ZNF831: variants seen among roughly 807,000 people sequenced by gnomAD.
ZNF831 encodes the protein zinc finger protein 831.
In ZNF831, 59 loss-of-function variants were observed where a neutral mutation model predicts 95.8. That is an observed-to-expected ratio of 0.62 (90% CI 0.50 to 0.77). ZNF831 has a LOEUF of 0.77. Among genes scored for constraint, ZNF831 ranks in the 30% least tolerant of loss-of-function variants. The pLI is 0.00. For synonymous variants in ZNF831, 961 were observed against 925.5 expected (o/e 1.04, Z -0.70); for missense variants, 2,205 against 2,164.0 (o/e 1.02, Z -0.38).
intron 1 of ZNF831, among the ~76,000 whole-genome samples, chr20:59,188,518 G>A (rs867051661): frequency 1.3e-5 from 2 of 152,276 alleles, no homozygotes; most frequent in African/African-American, 2.4e-5. Context: ...TTATCTGGGT[G>A]TGGTGGTGCA....
chr20:59,166,032 G>C (rs574382497), intron 1 of ZNF831, among the ~76,000 whole-genome samples: 6 of 152,250 alleles, frequency 3.9e-5, no homozygotes, highest in Admixed American at 6.5e-5. Context: ...GATTACAGGC[G>C]TGAGCTACCA....
Position 59,148,658 on chromosome 20 carries a change from C to T in ZNF831, c.-1281+2284C>T, listed in dbSNP as rs1311598867. 4.7e-5 allele frequency among the ~76,000 whole-genome samples: 4 copies of T among 84,896 alleles called. 1 individual carries two copies. The highest frequency in any genetic ancestry group is 8.7e-5 in the Non-Finnish European group (4 of 45,858). The allele number at this position is 84,896 out of a possible 152,430, so 55.7% of individuals were successfully genotyped here. On this transcript the variant is annotated intron_variant, in intron 2 of 7. Coordinates refer to the ZNF831 transcript ENST00000637017. Reference sequence around the variant, plus strand: ...TCGCGCCACTGCACTCCAGCCTGGGCGACAGAGCGAAACTCCGTCTCAAAA... The same window carrying T: ...TCGCGCCACTGCACTCCAGCCTGGGTGACAGAGCGAAACTCCGTCTCAAAA...
chr20:59,205,965 T>C (rs1984863100), intron 3 of ZNF831, among the ~76,000 whole-genome samples: 1 of 152,196 alleles, frequency 6.6e-6, no homozygotes, highest in South Asian at 2.1e-4. Flanking sequence ...TTCTGCTCTA[T>C]GACATGAAAC....
At chr20:59,196,121 G>A in intron 3 of ZNF831, 116 bp downstream of exon 3, 2 of 1,394,278 alleles carry the variant, frequency 1.4e-6, no homozygotes, top group Non-Finnish European at 1.9e-6. Context: ...AGGGTTTAGA[G>A]CTTCATGATT....
At position 59,193,292 on chromosome 20, in the gene ZNF831, G is replaced by A. The variant is rs1300589217; in HGVS notation, c.2273G>A (p.Gly758Glu). ...LVSPNGRLELGWQMPPAPGPL... is the reference protein window; with the variant it reads ...LVSPNGRLELEWQMPPAPGPL... The stretch of plus-strand genomic sequence containing the variant: ...TCTCCAAATGGGAGGCTGGAACTGG[G>A]GTGGCAGATGCCCCCAGCACCTGGC... The change falls in exon 2 of 6, where the codon GGG becomes GAG. Residue 758 changes from glycine (G) to glutamate (E), a missense_variant. Gly to Glu is a moderately conservative substitution (Grantham distance 98). Coordinates refer to ENST00000371030, the MANE Select transcript of ZNF831 (RefSeq NM_178457.3). The A allele has an allele frequency of 1.2e-6, 2 of 1,611,430 alleles. No individual in the cohort carries two copies. The highest frequency in any genetic ancestry group is 1.1e-5 in the South Asian group (1 of 90,510).
At chr20:59,199,674 T>G (rs1233963699) in intron 3 of ZNF831, among the ~76,000 whole-genome samples, 6 of 152,184 alleles carry the variant, frequency 3.9e-5, no homozygotes, top group Non-Finnish European at 7.4e-5. Flanking sequence ...ATGAATATAA[T>G]TTATAGGATT....
chr20:59,180,606 T>C (rs1982543307), intron 1 of ZNF831, among the ~76,000 whole-genome samples: 1 of 152,124 alleles, frequency 6.6e-6, no homozygotes, highest in Non-Finnish European at 1.5e-5. Context: ...CTCCCACTTA[T>C]GAGTGAGAAC....
At chr20:59,227,169 A>G (rs754642315) in intron 4 of ZNF831, among the ~76,000 whole-genome samples, 6 of 152,220 alleles carry the variant, frequency 3.9e-5, no homozygotes, top group Non-Finnish European at 7.3e-5. Context: ...GATGATGTCT[A>G]TAAGTGACCC....
At chr20:59,195,242 G>A (rs1983996109) in intron 2 of ZNF831, among the ~76,000 whole-genome samples, 1 of 152,192 alleles carries the variant, frequency 6.6e-6, no homozygotes, top group African/African-American at 2.4e-5. Flanking sequence ...AGAAAAGGGG[G>A]AAATGTGGTG....
Position 59,181,661 on chromosome 20 carries a change from G to A in ZNF831, c.-36-9323G>A, listed in dbSNP as rs185037800. ...ATTGCTTATTTTTGTCAGGTTTGTC[G>A]AAGATCAGATGGTTGTAGATGTGTG... On this transcript the variant is annotated intron_variant, in intron 1 of 5. Coordinates refer to ENST00000371030, the MANE Select transcript of ZNF831 (RefSeq NM_178457.3). Among the ~76,000 whole-genome samples the A allele has an allele frequency of 2.0e-5, 3 of 152,032 alleles. No individual in the cohort carries two copies. The East Asian group carries it at 5.8e-4, about 29-fold the overall frequency.
At chr20:59,144,489 A>T (rs1979777586) in intron 1 of ZNF831, among the ~76,000 whole-genome samples, 2 of 152,318 alleles carry the variant, frequency 1.3e-5, no homozygotes, top group South Asian at 4.1e-4. Flanking sequence ...AGTTATGACA[A>T]TTAAAAATGT....
intron 4 of ZNF831, among the ~76,000 whole-genome samples, chr20:59,225,633 C>T (rs1298974827): frequency 2.0e-5 from 3 of 152,308 alleles, no homozygotes; most frequent in Non-Finnish European, 4.4e-5. Flanking sequence ...CAGGAGCAGA[C>T]GATCAAACTC....
At chr20:59,175,551 G>A (rs1344900710) in intron 1 of ZNF831, among the ~76,000 whole-genome samples, 1 of 151,866 alleles carries the variant, frequency 6.6e-6, no homozygotes, top group Admixed American at 6.6e-5. Context: ...CATCCACTGA[G>A]TTTTTACATT....
chr20:59,175,911 G>C (rs73306901), intron 1 of ZNF831, among the ~76,000 whole-genome samples: 1 of 152,178 alleles, frequency 6.6e-6, no homozygotes, highest in Non-Finnish European at 1.5e-5. Flanking sequence ...GCTCTGACTG[G>C]GGAAGAGATG....
At chr20:59,221,471 C>G (rs1986069449) in intron 4 of ZNF831, among the ~76,000 whole-genome samples, 1 of 152,160 alleles carries the variant, frequency 6.6e-6, no homozygotes, top group Admixed American at 6.5e-5. Context: ...TGGCCCTCAC[C>G]CCACTGCTGG....
At chr20:59,199,071 A>ATATCTATC (rs71183162) in intron 3 of ZNF831, among the ~76,000 whole-genome samples, 32 of 95,408 alleles carry the variant, frequency 3.4e-4, no homozygotes, top group Admixed American at 4.7e-4. Flanking sequence ...ATCAACTTAC[A>ATATCTATC]TATCTATCTA....
chr20:59,201,795 C>A (rs1039608878), intron 3 of ZNF831, among the ~76,000 whole-genome samples: 3 of 152,060 alleles, frequency 2.0e-5, no homozygotes, highest in Admixed American at 2.0e-4. Flanking sequence ...TATTATAAAG[C>A]TAAAGTATTC....
intron 1 of ZNF831, among the ~76,000 whole-genome samples, chr20:59,186,390 C>T (rs564242947): frequency 3.9e-5 from 6 of 152,142 alleles, no homozygotes; most frequent in Admixed American, 6.5e-5. Context: ...GGGGAGGAAC[C>T]GGTAGTTAAT....
Position 59,194,667 on chromosome 20 carries a change from C to A in ZNF831, c.3648C>A (p.Leu1216=), listed in dbSNP as rs2146603432. 2.5e-6 allele frequency: 4 copies of A among 1,613,222 alleles called. No homozygotes were observed. Among genetic ancestry groups the A allele is most frequent in the Non-Finnish European group, 3.4e-6 (4 of 1,179,696 alleles). Residue 1216 remains leucine, a synonymous_variant, in exon 2 of 6, where the codon CTC becomes CTA. Transcript: ENST00000371030. The part of the protein sequence containing the change: ...YLAVHFPGSS[L]RDEGPNGPPG... ...CGGTGCACTTTCCTGGTAGCAGCCT[C>A]CGAGATGAGGGTCCCAATGGCCCTC...
Sources: allele counts gnomAD v4.1 joint callset (sites outside exome capture counted in the v4.1 genomes callset), GRCh38; gene constraint gnomAD v4.1.1; transcripts MANE v1.5; gene names NCBI Gene and HGNC (gene_info 2026-07-23, HGNC 2026-07-21).